Variants in STX8 observed in about 807,000 individuals in gnomAD.
STX8 encodes syntaxin 8.
STX8 carries 23 observed loss-of-function variants against 37.5 expected under a neutral mutation model. That is an observed-to-expected ratio of 0.61 (90% CI 0.44 to 0.87). The LOEUF (loss-of-function observed/expected upper bound fraction) is 0.87. STX8 is among the 40% of genes least tolerant of loss of function. The pLI is 0.00. For synonymous variants in STX8, 115 were observed against 99.1 expected, an observed-to-expected ratio of 1.16 and a Z score of -0.95; for missense variants, 313 against 284.7, an observed-to-expected ratio of 1.10 and a Z score of -0.71.
At chr17:9,553,387 C>T (rs1906843338) in intron 3 of STX8, 1 of 152,184 alleles carries the variant, frequency 6.6e-6, no homozygotes, top group Admixed American at 6.5e-5. Flanking sequence ...AGCATAACAT[C>T]TCATGCCTTA....
chr17:9,532,457 T>A (rs1260537178), intron 4 of STX8, among the ~76,000 whole-genome samples: 1 of 152,092 alleles, frequency 6.6e-6, no homozygotes, highest in Non-Finnish European at 1.5e-5. Context: ...CGTGCATGTA[T>A]CCTTGGATAC....
chr17:9,476,051 T>G (rs956233887), intron 6 of STX8, among the ~76,000 whole-genome samples: 4 of 152,178 alleles, frequency 2.6e-5, no homozygotes, highest in Admixed American at 6.5e-5. Context: ...TGGTGGCACA[T>G]GCTTGTAATC....
At chr17:9,260,606 AGAGT>A (rs565939802) in intron 7 of STX8, among the ~76,000 whole-genome samples, 23 of 152,082 alleles carry the variant, frequency 1.5e-4, no homozygotes, top group Admixed American at 1.0e-3. Context: ...CCTGGGCAAC[AGAGT>A]GAGACTCCGT....
chr17:9,352,640 C>T (rs1230617488), intron 7 of STX8, among the ~76,000 whole-genome samples: 1 of 151,724 alleles, frequency 6.6e-6, no homozygotes, highest in Non-Finnish European at 1.5e-5. Context: ...GCTGGGACTA[C>T]AGGCGCCCGC....
intron 7 of STX8, among the ~76,000 whole-genome samples, chr17:9,346,894 G>A (rs552877818): frequency 1.8e-4 from 28 of 152,174 alleles, no homozygotes; most frequent in East Asian, 7.7e-4. Flanking sequence ...CTGGGAGGCC[G>A]AGGTGGGCAG....
At chr17:9,312,917 G>A (rs767680877) in intron 7 of STX8, among the ~76,000 whole-genome samples, 5 of 152,056 alleles carry the variant, frequency 3.3e-5, no homozygotes, top group South Asian at 2.1e-4. Context: ...TGGGCCAGGC[G>A]TGGTGGCTCA....
intron 6 of STX8, among the ~76,000 whole-genome samples, chr17:9,448,007 T>C (rs1477724474): frequency 6.6e-6 from 1 of 151,778 alleles, no homozygotes; most frequent in Non-Finnish European, 1.5e-5. Context: ...TCAAACTGTC[T>C]CTACTAAAAA....
At chr17:9,471,296 C>G (rs543269015) in intron 6 of STX8, among the ~76,000 whole-genome samples, 1 of 151,474 alleles carries the variant, frequency 6.6e-6, no homozygotes, top group Admixed American at 6.6e-5. Context: ...GGATTACAGG[C>G]GCCCGCCATC....
intron 6 of STX8, among the ~76,000 whole-genome samples, chr17:9,411,390 G>A (rs1465621841): frequency 2.6e-5 from 4 of 152,168 alleles, no homozygotes; most frequent in South Asian, 2.1e-4. Context: ...ACTGTGCTTA[G>A]ATCTGAAAAA....
chr17:9,329,157 G>A (rs1056835956), intron 7 of STX8, among the ~76,000 whole-genome samples: 1 of 142,180 alleles, frequency 7.0e-6, no homozygotes, highest in Non-Finnish European at 1.5e-5. Context: ...GAAATCTACA[G>A]ACTACCTAGA....
intron 7 of STX8, among the ~76,000 whole-genome samples, chr17:9,369,143 A>G (rs561190518): frequency 6.6e-6 from 1 of 152,322 alleles, no homozygotes; most frequent in Admixed American, 6.5e-5. Context: ...GATGATATCC[A>G]CTATCTGTGC....
chr17:9,296,621 T>C (rs1908553852), intron 7 of STX8, among the ~76,000 whole-genome samples: 2 of 131,690 alleles, frequency 1.5e-5, no homozygotes, highest in Non-Finnish European at 3.2e-5. Flanking sequence ...AGTAAATTGT[T>C]GAAAGACTAA....
intron 7 of STX8, among the ~76,000 whole-genome samples, chr17:9,263,140 T>C (rs2142129534): frequency 6.6e-6 from 1 of 152,264 alleles, no homozygotes; most frequent in East Asian, 1.9e-4. Flanking sequence ...TTGACTGCAC[T>C]CCAGCCTGGG....
In STX8 at chr17:9,451,953, C is replaced by T. The variant is rs543708793; in HGVS notation, c.541+39876G>A. On this transcript the variant is annotated intron_variant, in intron 6 of 7. Transcript: ENST00000306357. Reference sequence around the variant, plus strand: ...TTTTTCTCTTAATCCAATTAAATTACCTTGATGGTTTCAGTTAAAACATGG... The same window carrying T: ...TTTTTCTCTTAATCCAATTAAATTATCTTGATGGTTTCAGTTAAAACATGG... Among the ~76,000 whole-genome samples the T allele has an allele frequency of 2.6e-5, 4 of 152,200 alleles. No homozygotes were observed. In the South Asian group the frequency reaches 8.3e-4, roughly 32 times the overall value.
chr17:9,547,246 C>CAAAAAAAAAAAAAA (rs11300957), intron 3 of STX8: 31 of 129,632 alleles, frequency 2.4e-4, no homozygotes, highest in African/African-American at 9.1e-4. Context: ...GACTCTGTCT[C>CAAAAAAAAAAAAAA]AAAAAAAAAA....
intron 5 of STX8, among the ~76,000 whole-genome samples, chr17:9,497,101 G>A (rs1904433433): frequency 6.6e-6 from 1 of 152,166 alleles, no homozygotes; most frequent in Non-Finnish European, 1.5e-5. Context: ...ATTCAGAAAT[G>A]CAAGATCTGG....
intron 6 of STX8, chr17:9,467,093 G>A (rs1905649995): frequency 6.6e-6 from 1 of 152,188 alleles, no homozygotes. Context: ...GTTACACCAT[G>A]TTGGCCAGGC....
At chr17:9,262,214 G>A (rs719351) in intron 7 of STX8, among the ~76,000 whole-genome samples, 27,730 of 151,826 alleles carry the variant, frequency 0.18, 3,069 homozygotes, top group Middle Eastern at 0.27. Context: ...TGAGCCCTGC[G>A]TTCCATACAT....
chr17:9,324,089 CTCTCTCTCTCTCTCTCTCTG>C (rs1417517920), intron 7 of STX8, among the ~76,000 whole-genome samples: 3 of 140,690 alleles, frequency 2.1e-5, no homozygotes, highest in Admixed American at 7.2e-5. Context: ...GGGCATCCCT[CTCTCTCTCTCTCTCTCTCTG>C]TCTCTCTCTC....
Sources: allele counts gnomAD v4.1 joint callset (sites outside exome capture counted in the v4.1 genomes callset), GRCh38; gene constraint gnomAD v4.1.1; transcripts MANE v1.5; gene names NCBI Gene and HGNC (gene_info 2026-07-23, HGNC 2026-07-21).